CD244: variants seen among roughly 807,000 people sequenced by gnomAD.
CD244 encodes CD244 molecule, also known as natural killer cell receptor 2B4.
A neutral mutation model predicts 45.5 loss-of-function variants in CD244; 20 were observed. That is an observed-to-expected ratio of 0.44 (90% CI 0.31 to 0.64). The LOEUF is 0.64. Ranked by LOEUF, CD244 falls within the 30% of genes least tolerant of loss-of-function variation. The probability of loss-of-function intolerance (pLI) is 0.08; values close to 1 mark genes in which losing one functional copy is unlikely to be tolerated. For synonymous variants in CD244, 185 were observed against 160.5 expected (o/e 1.15, Z -1.15); for missense variants, 407 against 426.9 (o/e 0.95, Z 0.41).
rs1378390254 is a variant in CD244, at chr1:160,833,188, T to C, written c.961-613A>G. ...TGAACATGGTGCCTGTGAACATCTA[T>C]ATGGCCTTATATTGTAGCATATAAT... On this transcript the variant is annotated intron_variant, in intron 7 of 8. Coordinates refer to ENST00000368034, the MANE Select transcript of CD244 (RefSeq NM_016382.4). 2.6e-5 allele frequency among the ~76,000 whole-genome samples: 4 copies of C among 152,262 alleles called. No homozygotes were observed. In the East Asian group the frequency reaches 5.8e-4, roughly 22 times the overall value.
At chr1:160,839,759 A>T (rs1669466999) in intron 3 of CD244, among the ~76,000 whole-genome samples, 1 of 152,170 alleles carries the variant, frequency 6.6e-6, no homozygotes, top group African/African-American at 2.4e-5. Context: ...TTCGTCATGG[A>T]TACTGAGGGA....
At chr1:160,845,069 A>T (rs903145357) in intron 1 of CD244, among the ~76,000 whole-genome samples, 1 of 152,162 alleles carries the variant, frequency 6.6e-6, no homozygotes, top group Non-Finnish European at 1.5e-5. Flanking sequence ...AGGAAACCAA[A>T]AGAACCACCT....
intron 1 of CD244, chr1:160,848,357 G>A (rs143452851): frequency 3.5e-6 from 2 of 577,184 alleles, no homozygotes; most frequent in East Asian, 9.1e-5. Flanking sequence ...CATCTACATT[G>A]CCGAGACTGA....
Position 160,839,064 on chromosome 1 carries a change from A to C in CD244, c.656-15T>G. 1.3e-6 allele frequency: 2 copies of C among 1,582,968 alleles called. No homozygotes were observed. The highest frequency in any genetic ancestry group is 2.7e-5 in the African/African-American group (2 of 74,460). On this transcript the variant is annotated splice_polypyrimidine_tract_variant and intron_variant, in intron 3 of 8. Coordinates refer to ENST00000368034, the MANE Select transcript of CD244 (RefSeq NM_016382.4). ...AAATCTGAATTCTGAGGAATACAGA[A>C]GGCGTGAGAACTGAGCTGTCAGCTC...
chr1:160,840,825 G>A (rs1265416999), intron 3 of CD244, among the ~76,000 whole-genome samples: 1 of 152,188 alleles, frequency 6.6e-6, no homozygotes, highest in Non-Finnish European at 1.5e-5. Context: ...GCTGCACAGT[G>A]TAGTTACCTC....
At chr1:160,851,250 A>G (rs1225909784) in intron 1 of CD244, among the ~76,000 whole-genome samples, 1 of 152,280 alleles carries the variant, frequency 6.6e-6, no homozygotes. Flanking sequence ...TCAGAGTCCA[A>G]TATTCCAACC....
At chr1:160,855,521 G>T (rs1281631187) in intron 1 of CD244, among the ~76,000 whole-genome samples, 1 of 152,180 alleles carries the variant, frequency 6.6e-6, no homozygotes, top group African/African-American at 2.4e-5. Context: ...GATACAGAAA[G>T]ACCTCAGTTT....
chr1:160,842,026 G>C (rs1669564412), intron 1 of CD244, 125 bp from the exon 2 acceptor site: 1 of 698,122 alleles, frequency 1.4e-6, no homozygotes, highest in East Asian at 2.7e-5. Context: ...CAGAACCTAG[G>C]AGCACCTTAA....
chr1:160,857,419 A>G (rs1670148711), intron 1 of CD244, among the ~76,000 whole-genome samples: 1 of 152,214 alleles, frequency 6.6e-6, no homozygotes. Flanking sequence ...AGGTGAATAA[A>G]CTATGATATA....
chr1:160,855,446 G>A lies in CD244; in HGVS notation c.61+7171C>T, dbSNP rs578245159. Reference sequence around the variant, plus strand: ...CCTGGAAGGGGTGGGTGCCAGGGCAGGGGTGCAAAGCAGATACGGTGAAAA... The same window carrying A: ...CCTGGAAGGGGTGGGTGCCAGGGCAAGGGTGCAAAGCAGATACGGTGAAAA... On this transcript the variant is annotated intron_variant, in intron 1 of 8. Coordinates refer to ENST00000368034, the MANE Select transcript of CD244 (RefSeq NM_016382.4). Among the ~76,000 whole-genome samples, 29 of 152,316 alleles carry A rather than the reference G, an allele frequency of 1.9e-4. No homozygotes were observed. The South Asian group carries it at 5.8e-3, about 30-fold the overall frequency.
At chr1:160,854,552 T>C (rs1195471952) in intron 1 of CD244, among the ~76,000 whole-genome samples, 1 of 68,096 alleles carries the variant, frequency 1.5e-5, no homozygotes, top group Non-Finnish European at 2.5e-5. Flanking sequence ...CCAGCTATTC[T>C]TTTTTTTTTT....
chr1:160,858,007 A>C (rs1037962765), intron 1 of CD244, among the ~76,000 whole-genome samples: 1 of 152,044 alleles, frequency 6.6e-6, no homozygotes, highest in African/African-American at 2.4e-5. Flanking sequence ...TGATCACATC[A>C]CTGCACTCCA....
intron 1 of CD244, among the ~76,000 whole-genome samples, chr1:160,856,000 A>G (rs1670093401): frequency 6.6e-6 from 1 of 152,238 alleles, no homozygotes; most frequent in Non-Finnish European, 1.5e-5. Context: ...ACCTGGGAGA[A>G]GGAGCACGGG....
At position 160,841,801 on chromosome 1, in the gene CD244, C is replaced by T; in HGVS notation, c.162G>A (p.Lys54=). 1.9e-6 allele frequency: 3 copies of T among 1,614,184 alleles called. No homozygotes were observed. The South Asian group carries it at 3.3e-5, about 18-fold the overall frequency. ...ATCCATTTTGTGAGGGCAGCAACTTCTTCCATGCAATGCTGTCAACCTTCG... is the reference window on the plus strand; with the variant it reads ...ATCCATTTTGTGAGGGCAGCAACTTTTTCCATGCAATGCTGTCAACCTTCG... The part of the protein sequence containing the change: ...IQTKVDSIAW[K]KLLPSQNGFH... The change falls in exon 2 of 9, where the codon AAG becomes AAA. Residue 54 remains lysine, a synonymous_variant. Transcript: ENST00000368034.
intron 5 of CD244, among the ~76,000 whole-genome samples, chr1:160,837,501 T>G (rs1557832770): frequency 6.6e-6 from 1 of 151,890 alleles, no homozygotes; most frequent in East Asian, 1.9e-4. Flanking sequence ...TAAATAAAGA[T>G]AAAAATAAAA....
At chr1:160,831,510 A>G (rs1030800307) in intron 8 of CD244, 83 bp from the exon 9 acceptor site, 1 of 945,476 alleles carries the variant, frequency 1.1e-6, no homozygotes, top group Non-Finnish European at 1.7e-6. Context: ...TGCCATCCCC[A>G]TTTTACAGAT....
At chr1:160,844,554 T>C (rs763583672) in intron 1 of CD244, among the ~76,000 whole-genome samples, 5 of 152,242 alleles carry the variant, frequency 3.3e-5, no homozygotes, top group Non-Finnish European at 7.3e-5. Flanking sequence ...GAAAAGGCAT[T>C]GCACATTTCT....
chr1:160,853,616 C>T (rs538938974), intron 1 of CD244, among the ~76,000 whole-genome samples: 1 of 151,868 alleles, frequency 6.6e-6, no homozygotes, highest in South Asian at 2.1e-4. Context: ...TATGACTTGC[C>T]CATTGTGGAA....
At chr1:160,837,675 C>T (rs370158976) in intron 5 of CD244, among the ~76,000 whole-genome samples, 51 of 152,290 alleles carry the variant, frequency 3.3e-4, no homozygotes, top group African/African-American at 1.1e-3. Flanking sequence ...CACAGCAAAG[C>T]GCCAGGGGGC....
Sources: gnomAD v4.1 joint callset for allele counts (sites outside exome capture counted in the v4.1 genomes callset) on GRCh38, gnomAD v4.1.1 for gene constraint, MANE v1.5 for transcripts, NCBI Gene and HGNC (gene_info 2026-07-23, HGNC 2026-07-21) for gene names.